Variants in ECT2L observed in about 807,000 individuals in gnomAD.
ECT2L encodes the protein epithelial cell-transforming sequence 2 oncogene-like.
ECT2L carries 126 observed loss-of-function variants against 122.8 expected under a neutral mutation model. The observed-to-expected ratio is 1.03, with a 90% confidence interval of 0.89 to 1.19. ECT2L has a LOEUF of 1.19. ECT2L is among the 50% of genes most tolerant of loss of function. The probability of loss-of-function intolerance (pLI) is 0.00; values close to 1 mark genes in which losing one functional copy is unlikely to be tolerated. For missense variants in ECT2L, 1,012 were observed against 1,064.1 expected (o/e 0.95, Z 0.68); for synonymous variants, 385 against 381.8 (o/e 1.01, Z -0.10).
In ECT2L at chr6:138,843,750, A is replaced by G. The variant is rs528901377; in HGVS notation, c.595+519A>G. Among the ~76,000 whole-genome samples the G allele has an allele frequency of 3.3e-5, 5 of 152,230 alleles. No homozygotes were observed. The South Asian group carries it at 8.3e-4, about 25-fold the overall frequency. On this transcript the variant is annotated intron_variant, in intron 6 of 21. Transcript: ENST00000541398. ...ACTGTCACCCAGGCTGTGCAGTAGT[A>G]TGATCTCTGGCTCACTGCAGCCTCG...
At chr6:138,845,883 C>A (rs748631642) in intron 7 of ECT2L, among the ~76,000 whole-genome samples, 1 of 151,972 alleles carries the variant, frequency 6.6e-6, no homozygotes, top group Admixed American at 6.6e-5. Flanking sequence ...CCAGCCTAGG[C>A]AACACAGCGA....
intron 4 of ECT2L, among the ~76,000 whole-genome samples, chr6:138,828,396 T>A (rs1268080512): frequency 6.6e-6 from 1 of 152,240 alleles, no homozygotes; most frequent in Non-Finnish European, 1.5e-5. Context: ...TCCCACAGTC[T>A]GCATTTTGCT....
chr6:138,859,905 C>T (rs1777761513), intron 10 of ECT2L, among the ~76,000 whole-genome samples: 1 of 151,828 alleles, frequency 6.6e-6, no homozygotes, highest in African/African-American at 2.4e-5. Flanking sequence ...ACTTCTGCCT[C>T]CCAGGTTCAA....
intron 12 of ECT2L, 140 bp downstream of exon 12, chr6:138,865,318 C>A (rs1777995094): frequency 1.5e-6 from 1 of 663,758 alleles, no homozygotes; most frequent in East Asian, 2.9e-5. Flanking sequence ...AGGTTGCTCA[C>A]ACGGCCTTTC....
chr6:138,832,608 A>G (rs1776683817), intron 4 of ECT2L, among the ~76,000 whole-genome samples: 1 of 152,062 alleles, frequency 6.6e-6, no homozygotes, highest in South Asian at 2.1e-4. Flanking sequence ...AGCCCAGGAG[A>G]AGGTGTGCTT....
At chr6:138,873,818 A>G (rs1047195304) in intron 13 of ECT2L, among the ~76,000 whole-genome samples, 2 of 151,608 alleles carry the variant, frequency 1.3e-5, no homozygotes, top group African/African-American at 4.9e-5. Flanking sequence ...AAACAAAAAA[A>G]ACAAACCCTC....
chr6:138,824,814 C>T (rs1014195666), intron 4 of ECT2L, among the ~76,000 whole-genome samples: 1 of 152,154 alleles, frequency 6.6e-6, no homozygotes, highest in African/African-American at 2.4e-5. Flanking sequence ...ATCTGGTTGC[C>T]TGTGTTGTTG....
intron 4 of ECT2L, among the ~76,000 whole-genome samples, chr6:138,826,441 G>A (rs987350708): frequency 5.9e-5 from 9 of 152,144 alleles, no homozygotes; most frequent in East Asian, 5.8e-4. Context: ...AAATTCCAGC[G>A]CTTTGGGAGG....
chr6:138,845,039 AGTATCCAAATG>A (rs1354498153), intron 7 of ECT2L, among the ~76,000 whole-genome samples: 5 of 152,146 alleles, frequency 3.3e-5, no homozygotes, highest in Non-Finnish European at 5.9e-5. Flanking sequence ...ACGAAGTAAG[AGTATCCAAATG>A]GTATCCAAAT....
intron 15 of ECT2L, 93 bp from the exon 16 acceptor site, chr6:138,882,631 G>T: frequency 1.4e-6 from 2 of 1,461,970 alleles, no homozygotes; most frequent in South Asian, 1.3e-5. Context: ...TAAAGGACTA[G>T]GGTGAAAATG....
At chr6:138,807,982 T>C (rs1329725455) in intron 1 of ECT2L, among the ~76,000 whole-genome samples, 1 of 152,142 alleles carries the variant, frequency 6.6e-6, no homozygotes, top group African/African-American at 2.4e-5. Context: ...CTTTTTAAAG[T>C]TGTCTTTGCT....
intron 4 of ECT2L, among the ~76,000 whole-genome samples, chr6:138,815,666 T>A (rs1342916481): frequency 6.6e-6 from 1 of 152,242 alleles, no homozygotes; most frequent in African/African-American, 2.4e-5. Context: ...TGTTTGGGCT[T>A]ATTTACTAAT....
chr6:138,885,951 T>A, intron 18 of ECT2L, 121 bp downstream of exon 18: 1 of 963,024 alleles, frequency 1.0e-6, no homozygotes, highest in Non-Finnish European at 1.5e-6. Flanking sequence ...AAGTCTTTCA[T>A]CCTTTTAATG....
At position 138,854,101 on chromosome 6, in the gene ECT2L, C is replaced by A. The variant is rs149517821; in HGVS notation, c.1145C>A (p.Ala382Asp). The change falls in exon 10 of 22, where the codon GCC becomes GAC. Residue 382 changes from alanine (A) to aspartate (D), a missense_variant. Physicochemically the swap from Ala to Asp is moderately radical, Grantham distance 126 (BLOSUM62 -2). Transcript: ENST00000541398. ...TGGGAGAAATTAGGAAGCTATGTGG[C>A]CACTGAAGAAGAAGGGGGTCACGTG... is the stretch of plus-strand genomic sequence containing the variant. ...DFWEKLGSYV[A>D]TEEEGGHVDF... 4.3e-4 allele frequency: 690 copies of A among 1,614,088 alleles called. 2 individuals carry two copies. In the African/African-American group the frequency reaches 7.8e-3, roughly 18 times the overall value.
chr6:138,798,235 G>A (rs1775411613), intron 1 of ECT2L, among the ~76,000 whole-genome samples: 1 of 152,150 alleles, frequency 6.6e-6, no homozygotes, highest in Non-Finnish European at 1.5e-5. Context: ...GGCCATTGGT[G>A]ATCACTCAAC....
intron 10 of ECT2L, among the ~76,000 whole-genome samples, chr6:138,861,443 C>T (rs539917380): frequency 6.6e-6 from 1 of 152,280 alleles, no homozygotes; most frequent in African/African-American, 2.4e-5. Flanking sequence ...GAGATGGTAT[C>T]TCATTGTGGT....
chr6:138,866,808 C>T (rs1319661104), intron 12 of ECT2L, among the ~76,000 whole-genome samples: 2 of 152,178 alleles, frequency 1.3e-5, no homozygotes, highest in Non-Finnish European at 1.5e-5. Context: ...TGTAGTGGCT[C>T]ATGCCTGTAA....
chr6:138,826,799 T>C (rs968695053), intron 4 of ECT2L, among the ~76,000 whole-genome samples: 1 of 152,106 alleles, frequency 6.6e-6, no homozygotes, highest in Non-Finnish European at 1.5e-5. Flanking sequence ...AGATCCCTCA[T>C]GGTTTGGTGC....
intron 19 of ECT2L, among the ~76,000 whole-genome samples, chr6:138,887,342 C>T (rs1778864192): frequency 6.6e-6 from 1 of 151,910 alleles, no homozygotes; most frequent in Non-Finnish European, 1.5e-5. Flanking sequence ...TTCTCCTTCC[C>T]CAGCCTCCCG....
Sources: allele counts gnomAD v4.1 joint callset (sites outside exome capture counted in the v4.1 genomes callset), GRCh38; gene constraint gnomAD v4.1.1; transcripts MANE v1.5; gene names NCBI Gene and HGNC (gene_info 2026-07-23, HGNC 2026-07-21).